The following SRPK1 variants were observed in gnomAD, a reference collection of about 807,000 sequenced individuals.
SRPK1 encodes the protein SFRS protein kinase 1.
SRPK1 carries 52 observed loss-of-function variants against 89.5 expected under a neutral mutation model. That is an observed-to-expected ratio of 0.58 (90% CI 0.46 to 0.73). The LOEUF (loss-of-function observed/expected upper bound fraction) is 0.73, where lower values mean the gene tolerates loss of function less well. Ranked by LOEUF, SRPK1 falls within the 30% of genes least tolerant of loss-of-function variation. The pLI, the probability that SRPK1 is intolerant of heterozygous loss-of-function variation, is 0.00. For synonymous variants in SRPK1, 255 were observed against 270.2 expected, an observed-to-expected ratio of 0.94 and a Z score of 0.55; for missense variants, 603 against 780.6, an observed-to-expected ratio of 0.77 and a Z score of 2.71.
chr6:35,917,563 C>T (rs1771138527), intron 2 of SRPK1, among the ~76,000 whole-genome samples: 1 of 152,146 alleles, frequency 6.6e-6, no homozygotes, highest in Non-Finnish European at 1.5e-5. Flanking sequence ...TCAAATACTC[C>T]AGCACAGTGA....
chr6:35,855,403 G>T (rs1017966828), intron 13 of SRPK1, among the ~76,000 whole-genome samples: 1 of 152,078 alleles, frequency 6.6e-6, no homozygotes, highest in African/African-American at 2.4e-5. Context: ...TAGCTTTGAA[G>T]ACAAAGTTTT....
In SRPK1 at chr6:35,857,273, G is replaced by T; in HGVS notation, c.1608C>A (p.Ser536Arg). 6.2e-7 allele frequency: 1 copy of T among 1,611,752 alleles called. No individual in the cohort carries two copies. Among genetic ancestry groups the T allele is most frequent in the Non-Finnish European group, 8.5e-7 (1 of 1,178,568 alleles). ...SGYNTPADIWSTACMAFELAT... is the reference protein window; with the variant it reads ...SGYNTPADIWRTACMAFELAT... ...GAAAAAACATTACCATGCATGCCGT[G>T]CTCCAAATGTCAGCAGGGGTATTAT... The change falls in exon 13 of 16, where the codon AGC becomes AGA. Residue 536 changes from serine to arginine, a missense_variant. Ser to Arg is a moderately radical substitution (Grantham distance 110). Coordinates refer to ENST00000373825, the MANE Select transcript of SRPK1 (RefSeq NM_003137.5).
At chr6:35,893,884 G>A (rs887120145) in intron 2 of SRPK1, among the ~76,000 whole-genome samples, 4 of 152,072 alleles carry the variant, frequency 2.6e-5, no homozygotes, top group Non-Finnish European at 4.4e-5. Context: ...AGTGGCATGC[G>A]CCTGTAATCG....
chr6:35,880,789 G>GAAAA (rs35013856), intron 6 of SRPK1, among the ~76,000 whole-genome samples: 2 of 107,488 alleles, frequency 1.9e-5, no homozygotes, highest in African/African-American at 7.4e-5. Context: ...CAGAATATTT[G>GAAAA]AAAAAAAAAA....
intron 15 of SRPK1, among the ~76,000 whole-genome samples, chr6:35,836,191 A>G (rs1445556281): frequency 6.6e-6 from 1 of 152,052 alleles, no homozygotes; most frequent in East Asian, 1.9e-4. Flanking sequence ...CGTGAATCCT[A>G]CTGTGAACTG....
intron 4 of SRPK1, 86 bp downstream of exon 4, chr6:35,888,729 T>C (rs539808663): frequency 5.8e-5 from 51 of 881,780 alleles, no homozygotes; most frequent in Middle Eastern, 2.7e-4. Context: ...TAGAGATAGA[T>C]TGAAGCCTGG....
intron 13 of SRPK1, among the ~76,000 whole-genome samples, chr6:35,850,644 T>C (rs988771453): frequency 2.0e-5 from 3 of 150,156 alleles, no homozygotes; most frequent in Non-Finnish European, 4.4e-5. Context: ...TACGTAAGAA[T>C]TGCCGAAGAA....
chr6:35,869,939 G>A (rs1019427425), intron 10 of SRPK1, 38 bp from the exon 11 acceptor site: 1 of 1,499,582 alleles, frequency 6.7e-7, no homozygotes, highest in Non-Finnish European at 8.9e-7. Flanking sequence ...ATATGCATAT[G>A]TGTGTGAGTG....
At chr6:35,873,226 GA>G (rs1770071824) in intron 7 of SRPK1, among the ~76,000 whole-genome samples, 1 of 152,104 alleles carries the variant, frequency 6.6e-6, no homozygotes, top group Non-Finnish European at 1.5e-5. Context: ...AGGCTCTTTA[GA>G]AAATTAGAAA....
intron 12 of SRPK1, among the ~76,000 whole-genome samples, chr6:35,868,541 G>A (rs1769960451): frequency 6.6e-6 from 1 of 152,118 alleles, no homozygotes; most frequent in African/African-American, 2.4e-5. Flanking sequence ...AAGTGTACTA[G>A]GGAAACAATG....
chr6:35,906,669 G>A (rs114237328), intron 2 of SRPK1, among the ~76,000 whole-genome samples: 1 of 152,234 alleles, frequency 6.6e-6, no homozygotes, highest in Non-Finnish European at 1.5e-5. Flanking sequence ...AGTGTCGGGA[G>A]TCAAGGGGTA....
chr6:35,835,969 C>CA (rs1180909998), intron 15 of SRPK1, among the ~76,000 whole-genome samples: 9 of 151,776 alleles, frequency 5.9e-5, no homozygotes, highest in Middle Eastern at 3.4e-3. Context: ...ATAAAAGCAA[C>CA]AAAAAAAACC....
At chr6:35,885,829 A>G (rs1770396870) in intron 6 of SRPK1, among the ~76,000 whole-genome samples, 1 of 152,202 alleles carries the variant, frequency 6.6e-6, no homozygotes, top group African/African-American at 2.4e-5. Context: ...ATACCTGTGA[A>G]GAAAATCAGC....
chr6:35,885,238 GT>G (rs34272028), intron 6 of SRPK1, among the ~76,000 whole-genome samples: 50,243 of 143,418 alleles, frequency 0.35, 8,786 homozygotes, highest in South Asian at 0.47. Flanking sequence ...AAATTACTTG[GT>G]TTAGAATTCT....
In SRPK1 at chr6:35,888,100, A is replaced by G. The variant is rs773917287; in HGVS notation, c.314T>C (p.Phe105Ser). 4 of 1,605,466 alleles carry G rather than the reference A, an allele frequency of 2.5e-6. No individual in the cohort carries two copies. The highest frequency in any genetic ancestry group is 3.4e-6 in the Non-Finnish European group (4 of 1,177,538). ...WLSWDIQGKK[F>S]VAMKVVKSAE... ...ACTTTTAACTACTTTCATTGCCACA[A>G]ATTTCTTCCCCCTAAGAAACAAACA... Residue 105 changes from phenylalanine to serine, a missense_variant, in exon 5 of 16, where the codon TTT (phenylalanine) becomes TCT (serine). Coordinates refer to ENST00000373825, the MANE Select transcript of SRPK1 (RefSeq NM_003137.5).
chr6:35,838,258 G>C lies in SRPK1; in HGVS notation c.1783+79C>G. The C allele has an allele frequency of 4.2e-6, 4 of 949,576 alleles. No homozygotes were observed. The East Asian group carries it at 1.2e-4, about 28-fold the overall frequency. The allele number at this position is 949,576 out of a possible 1,614,324, so 58.8% of individuals were successfully genotyped here. A position where few individuals can be genotyped will look rare whatever the true frequency, so the allele number is the denominator to read the frequency against. Reference sequence around the variant, plus strand: ...TTCAAGGCAGGCCCATCATTCTGTAGGACATTGGGAATATGTGCTTACCTC... The same window carrying C: ...TTCAAGGCAGGCCCATCATTCTGTACGACATTGGGAATATGTGCTTACCTC... On this transcript the variant is annotated intron_variant, in intron 15 of 15. Transcript: ENST00000373825.
In SRPK1 at chr6:35,869,557, G is replaced by T; in HGVS notation, c.1336C>A (p.Gln446Lys). The change falls in exon 11 of 16, where the codon CAA becomes AAA. Residue 446 changes from glutamine to lysine, a missense_variant. Transcript: ENST00000373825. The stretch of plus-strand genomic sequence containing the variant: ...GGTATCTCTGCCCGAATGCTTTCTT[G>T]AAGTTGGCTAATGTGTTGTTCACTG... ...SFSEQHISQL[Q>K]ESIRAEIPCE... 6.2e-7 allele frequency: 1 copy of T among 1,613,968 alleles called. No homozygotes were observed.
chr6:35,849,257 A>G (rs1769485637), intron 13 of SRPK1, among the ~76,000 whole-genome samples: 1 of 152,198 alleles, frequency 6.6e-6, no homozygotes, highest in African/African-American at 2.4e-5. Flanking sequence ...ATCACTAATC[A>G]TTAGGGAAAT....
At chr6:35,912,368 T>G (rs1284279203) in intron 2 of SRPK1, among the ~76,000 whole-genome samples, 2 of 151,822 alleles carry the variant, frequency 1.3e-5, no homozygotes, top group African/African-American at 4.8e-5. Context: ...CAAAAATTAT[T>G]ATTGAGGCAA....
Sources: gnomAD v4.1 joint callset for allele counts (sites outside exome capture counted in the v4.1 genomes callset) on GRCh38, gnomAD v4.1.1 for gene constraint, MANE v1.5 for transcripts, NCBI Gene and HGNC (gene_info 2026-07-23, HGNC 2026-07-21) for gene names.